Variants in TNR observed in about 807,000 individuals in gnomAD.
The protein encoded by TNR is tenascin R.
A neutral mutation model predicts 150.4 loss-of-function variants in TNR; 45 were observed. The ratio of observed to expected loss-of-function variants is 0.30; its 90% CI spans 0.24 to 0.38. The LOEUF (loss-of-function observed/expected upper bound fraction) is 0.38, where lower values mean the gene tolerates loss of function less well. TNR is among the 10% of genes least tolerant of loss of function. TNR has a pLI of 1.00. For missense variants in TNR, 1,544 were observed against 1,759.1 expected, an observed-to-expected ratio of 0.88 and a Z score of 2.19; for synonymous variants, 687 against 678.4, an observed-to-expected ratio of 1.01 and a Z score of -0.20.
chr1:175,693,856 T>C (rs966489819), intron 1 of TNR, among the ~76,000 whole-genome samples: 4 of 152,252 alleles, frequency 2.6e-5, no homozygotes, highest in Admixed American at 6.5e-5. Context: ...AATAAAATCA[T>C]GGACCATGCT....
intron 1 of TNR, among the ~76,000 whole-genome samples, chr1:175,670,678 T>C (rs1367319221): frequency 6.6e-6 from 1 of 152,030 alleles, no homozygotes; most frequent in Non-Finnish European, 1.5e-5. Context: ...GGGATGACAA[T>C]TGGGATGAAT....
rs1454017071 is a variant in TNR at position 175,370,598 on chromosome 1, C to A, written c.1964-3301G>T. ...GCAATACCCCCTGATCCATTTGAAG[C>A]ACACATTTATCTCCATCAATATGTT... On this transcript the variant is annotated intron_variant, in intron 9 of 22. Transcript: ENST00000367674. 2.0e-5 allele frequency among the ~76,000 whole-genome samples: 3 copies of A among 152,034 alleles called. No homozygotes were observed. The East Asian group carries it at 5.8e-4, about 29-fold the overall frequency.
chr1:175,690,929 GACA>G (rs1172746174), intron 1 of TNR, among the ~76,000 whole-genome samples: 1 of 152,168 alleles, frequency 6.6e-6, no homozygotes, highest in Non-Finnish European at 1.5e-5. Flanking sequence ...GAAGCAGAAT[GACA>G]AATCAAGGAA....
At position 175,362,677 on chromosome 1, in the gene TNR, G is replaced by A. The variant is rs778676263; in HGVS notation, c.2840C>T (p.Thr947Ile). ...GACATTCCCACCTGTGTGCACAAGA[G>A]TACAGATGCGCTCGCTTTCCTCCCT... is the stretch of plus-strand genomic sequence containing the variant. The part of the protein sequence containing the change: ...RGREESERIC[T>I]LVHTAMDNPV... Residue 947 changes from threonine (T) to isoleucine (I), a missense_variant, in exon 14 of 23, where the codon ACT becomes ATT. Physicochemically the swap from Thr to Ile is moderately conservative, Grantham distance 89 (BLOSUM62 -1). Around this residue, in one of 2 missense-constraint regions of TNR, gnomAD observed 1,254 missense variants for 1,329.4 expected, o/e 0.94. Transcript: ENST00000367674. 2.7e-5 allele frequency: 43 copies of A among 1,613,964 alleles called. No individual in the cohort carries two copies. Among genetic ancestry groups the A allele is most frequent in the Admixed American group, 5.0e-5 (3 of 60,004 alleles).
chr1:175,545,154 AC>A (rs1376956335), intron 1 of TNR, among the ~76,000 whole-genome samples: 1 of 152,248 alleles, frequency 6.6e-6, no homozygotes, highest in African/African-American at 2.4e-5. Flanking sequence ...GACTGCTACA[AC>A]CAAAAAAAGA....
At chr1:175,728,424 G>C (rs998973124) in intron 1 of TNR, among the ~76,000 whole-genome samples, 5 of 152,152 alleles carry the variant, frequency 3.3e-5, no homozygotes, top group Non-Finnish European at 7.4e-5. Context: ...GGGTCCTAAC[G>C]CCTGCTCTTC....
intron 2 of TNR, among the ~76,000 whole-genome samples, chr1:175,493,550 A>G (rs910377022): frequency 6.6e-6 from 1 of 152,248 alleles, no homozygotes; most frequent in Non-Finnish European, 1.5e-5. Context: ...AACAGCTTTC[A>G]TGGAGGAAGC....
intron 20 of TNR, among the ~76,000 whole-genome samples, chr1:175,331,775 T>TCAAA (rs972007370): frequency 4.5e-4 from 69 of 152,274 alleles, no homozygotes; most frequent in African/African-American, 1.7e-3. Context: ...TGATTTAGAA[T>TCAAA]CAAACAATTG....
chr1:175,442,178 T>C lies in TNR; in HGVS notation c.-63-35401A>G, dbSNP rs370838827. Reference sequence around the variant, plus strand: ...AGTTTGCCTCATTGACCTCCTTTTTTTAATATCTTATTTTTCACTTGGCTT... The same window carrying C: ...AGTTTGCCTCATTGACCTCCTTTTTCTAATATCTTATTTTTCACTTGGCTT... On this transcript the variant is annotated intron_variant, in intron 2 of 22. Coordinates refer to ENST00000367674, the MANE Select transcript of TNR (RefSeq NM_003285.3). 1.3e-4 allele frequency among the ~76,000 whole-genome samples: 20 copies of C among 152,318 alleles called. No individual in the cohort carries two copies. In the East Asian group the frequency reaches 2.1e-3, roughly 16 times the overall value.
intron 1 of TNR, among the ~76,000 whole-genome samples, chr1:175,671,247 C>T (rs2281131): frequency 0.021 from 3,203 of 152,250 alleles, 95 homozygotes; most frequent in African/African-American, 0.058. Context: ...CTGTGACCAC[C>T]CAGGTCATGG....
At chr1:175,736,475 T>C (rs1355840884) in intron 1 of TNR, among the ~76,000 whole-genome samples, 1 of 151,748 alleles carries the variant, frequency 6.6e-6, no homozygotes, top group African/African-American at 2.4e-5. Flanking sequence ...GAGCCGAGAT[T>C]GCGCCACTGC....
At chr1:175,371,404 A>C (rs1180241876) in intron 9 of TNR, among the ~76,000 whole-genome samples, 1 of 152,184 alleles carries the variant, frequency 6.6e-6, no homozygotes, top group Non-Finnish European at 1.5e-5. Context: ...CATTCAACAA[A>C]TATTAAGGGC....
chr1:175,362,768 C>A lies in TNR; in HGVS notation c.2749G>T (p.Glu917Ter), dbSNP rs772123628. Residue 917 changes from glutamate to a stop codon, truncating the protein, a stop_gained, in exon 14 of 23, where the codon GAA (glutamate) becomes TAA (stop). Transcript: ENST00000367674. LOFTEE classifies it high-confidence loss of function. ...DSSVVPNTVT[E>*]FTITRLNPAT... ...GGGTTCAGTCTGGTGATGGTGAATT[C>A]TGTCACAGTGTTGGGCACCACTGAG... The A allele has an allele frequency of 6.2e-7, 1 of 1,614,120 alleles. No homozygotes were observed.
chr1:175,607,881 T>C (rs1379016517), intron 1 of TNR, among the ~76,000 whole-genome samples: 1 of 152,228 alleles, frequency 6.6e-6, no homozygotes, highest in African/African-American at 2.4e-5. Flanking sequence ...ACATTAACGA[T>C]GTAGTATACT....
chr1:175,636,881 A>G (rs1194550883), intron 1 of TNR, among the ~76,000 whole-genome samples: 2 of 152,250 alleles, frequency 1.3e-5, no homozygotes, highest in Non-Finnish European at 2.9e-5. Context: ...CTATTCAATA[A>G]TGAGTTCCCT....
rs939255882 is a variant in TNR, at chr1:175,319,248, G to A, written c.*4109C>T. 6.6e-6 allele frequency: 1 copy of A among 152,216 alleles called. No individual in the cohort carries two copies. Among genetic ancestry groups the A allele is most frequent in the Non-Finnish European group, 1.5e-5 (1 of 68,038 alleles). The allele number at this position is 152,216 out of a possible 1,614,324, so 9.4% of individuals were successfully genotyped here. A position where few individuals can be genotyped will look rare whatever the true frequency, so the allele number is the denominator to read the frequency against. ...GGGTATTTGCAAATCCAGGTCACCAGCTAGTCTATTTCAACACCCATAGCT... is the reference window on the plus strand; with the variant it reads ...GGGTATTTGCAAATCCAGGTCACCAACTAGTCTATTTCAACACCCATAGCT... On this transcript the variant is annotated 3_prime_UTR_variant, in exon 23 of 23. Coordinates refer to ENST00000367674, the MANE Select transcript of TNR (RefSeq NM_003285.3).
At chr1:175,398,230 T>C (rs1160246134) in intron 4 of TNR, among the ~76,000 whole-genome samples, 1 of 152,200 alleles carries the variant, frequency 6.6e-6, no homozygotes, top group Non-Finnish European at 1.5e-5. Context: ...GCAGCATATA[T>C]ATGCACTGCT....
At position 175,599,544 on chromosome 1, in the gene TNR, G is replaced by A. The variant is rs867995271; in HGVS notation, c.-164-71175C>T. On this transcript the variant is annotated intron_variant, in intron 1 of 22. Transcript: ENST00000367674. The surrounding 1 kb of genome is among the most constrained non-coding windows in gnomAD (Gnocchi z 4.7). ...AGCGGTGGGGCGGCGCGGTTAATGG[G>A]GTCTCTGCTGGGCTAGTGTCCCGCA... Among the ~76,000 whole-genome samples the A allele has an allele frequency of 1.3e-5, 2 of 152,306 alleles. No individual in the cohort carries two copies. The highest frequency in any genetic ancestry group is 6.8e-3 in the Middle Eastern group (2 of 294).
chr1:175,682,202 A>C (rs1666055037), intron 1 of TNR, among the ~76,000 whole-genome samples: 1 of 152,208 alleles, frequency 6.6e-6, no homozygotes, highest in South Asian at 2.1e-4. Context: ...TGAAAAAGTT[A>C]CAATGTATTA....
Sources: gnomAD v4.1 joint callset for allele counts (sites outside exome capture counted in the v4.1 genomes callset) on GRCh38, gnomAD v4.1.1 for gene constraint, gnomAD v4.1.1 regional missense constraint, Gnocchi (gnomAD v3.1) non-coding constraint, MANE v1.5 for transcripts, NCBI Gene and HGNC (gene_info 2026-07-23, HGNC 2026-07-21) for gene names.